The following EFCAB3 variants were observed in gnomAD, a reference collection of about 807,000 sequenced individuals.
EFCAB3 encodes the protein EF-hand calcium binding domain 3.
A neutral mutation model predicts 42.2 loss-of-function variants in EFCAB3; 36 were observed. That is an observed-to-expected ratio of 0.85 (90% CI 0.65 to 1.13). The LOEUF (loss-of-function observed/expected upper bound fraction) is 1.13. EFCAB3 is among the 50% of genes most tolerant of loss of function. The probability of loss-of-function intolerance (pLI) is 0.00; values close to 1 mark genes in which losing one functional copy is unlikely to be tolerated. For missense variants in EFCAB3, 418 were observed against 505.1 expected (o/e 0.83, Z 1.65); for synonymous variants, 170 against 172.8 (o/e 0.98, Z 0.13).
chr17:62,379,473 T>C (rs191874746), upstream of EFCAB3, among the ~76,000 whole-genome samples: 11 of 151,984 alleles, frequency 7.2e-5, no homozygotes, highest in East Asian at 1.9e-3. Flanking sequence ...AGGCTCTTAG[T>C]AAATAATTGT....
chr17:62,402,641 C>G (rs2070413879), intron 6 of EFCAB3, among the ~76,000 whole-genome samples: 1 of 152,036 alleles, frequency 6.6e-6, no homozygotes, highest in Non-Finnish European at 1.5e-5. Context: ...GGATGAAGCC[C>G]ACTTGATCAT....
intron 1 of EFCAB3, chr17:62,381,593 G>A: frequency 5.8e-6 from 1 of 172,208 alleles, no homozygotes; most frequent in Non-Finnish European, 1.2e-5. Context: ...AAGACCACCT[G>A]GGCTTTTCCT....
chr17:62,382,422 G>GTA (rs570566485), intron 1 of EFCAB3, among the ~76,000 whole-genome samples: 293 of 150,138 alleles, frequency 2.0e-3, no homozygotes, highest in African/African-American at 6.5e-3. Flanking sequence ...GTTACTATTT[G>GTA]TGTGTGTGTG....
At chr17:62,388,143 G>A (rs900225836) in intron 3 of EFCAB3, among the ~76,000 whole-genome samples, 9 of 152,198 alleles carry the variant, frequency 5.9e-5, no homozygotes, top group Admixed American at 3.9e-4. Context: ...CCCAGGAAGC[G>A]GAGGTTGCAG....
chr17:62,385,269 T>A (rs935605014), intron 2 of EFCAB3, among the ~76,000 whole-genome samples: 1 of 151,930 alleles, frequency 6.6e-6, no homozygotes, highest in South Asian at 2.1e-4. Flanking sequence ...CATAAGGAGA[T>A]CTTGTCTCTA....
chr17:62,380,704 G>T lies in EFCAB3; in HGVS notation c.-18+91G>T, dbSNP rs552357320. The T allele has an allele frequency of 2.5e-5, 17 of 684,092 alleles. No individual in the cohort carries two copies. The Admixed American group carries it at 4.4e-4, about 18-fold the overall frequency. 42.4% of individuals were successfully genotyped at this position (684,092 alleles called of 1,614,324 possible). A position where few individuals can be genotyped will look rare whatever the true frequency, so the allele number is the denominator to read the frequency against. Reference sequence around the variant, plus strand: ...ATTGAAGGTATTTTTTTAAAGAAATGATTATTTTGAGGTATGGGGATGATT... The same window carrying T: ...ATTGAAGGTATTTTTTTAAAGAAATTATTATTTTGAGGTATGGGGATGATT... On this transcript the variant is annotated intron_variant, in intron 1 of 9. Coordinates refer to ENST00000305286, the MANE Select transcript of EFCAB3 (RefSeq NM_173503.4).
At chr17:62,397,651 C>T (rs2070361958) in intron 6 of EFCAB3, 3 of 597,910 alleles carry the variant, frequency 5.0e-6, no homozygotes, top group South Asian at 2.9e-5. Flanking sequence ...GCAAGAAAAT[C>T]ACAGCCTTTG....
At chr17:62,395,235 T>C (rs1296962219) in intron 6 of EFCAB3, 47 bp downstream of exon 6, 2 of 1,603,080 alleles carry the variant, frequency 1.2e-6, no homozygotes, top group Non-Finnish European at 1.7e-6. Context: ...AGAAGCATTA[T>C]GAAGATATTA....
intron 6 of EFCAB3, among the ~76,000 whole-genome samples, chr17:62,404,255 G>A (rs914333020): frequency 6.6e-6 from 1 of 152,158 alleles, no homozygotes; most frequent in Non-Finnish European, 1.5e-5. Flanking sequence ...TAATCCCAAA[G>A]CTTTGGGAGC....
intron 8 of EFCAB3, among the ~76,000 whole-genome samples, chr17:62,410,423 C>T (rs2070484916): frequency 6.6e-6 from 1 of 152,008 alleles, no homozygotes; most frequent in African/African-American, 2.4e-5. Context: ...ATGAACACTA[C>T]TTGACCCCAC....
intron 1 of EFCAB3, among the ~76,000 whole-genome samples, chr17:62,381,113 A>ACATCAGG (rs533626140): frequency 4.4e-4 from 66 of 151,520 alleles, no homozygotes; most frequent in African/African-American, 1.4e-3. Flanking sequence ...TCGTCATTTA[A>ACATCAGG]CATCAGGTAT....
Position 62,416,219 on chromosome 17 carries a change from A to G in EFCAB3, c.1207A>G (p.Arg403Gly), listed in dbSNP as rs1446581676. 6.2e-7 allele frequency: 1 copy of G among 1,613,814 alleles called. No homozygotes were observed. The highest frequency in any genetic ancestry group is 8.5e-7 in the Non-Finnish European group (1 of 1,179,798). The change falls in exon 10 of 10, where the codon AGA becomes GGA. Residue 403 changes from arginine (R) to glycine (G), a missense_variant. Arg to Gly is a moderately radical substitution (Grantham distance 125). Transcript: ENST00000305286. ...DLRLYDAYVN[R>G]NSSHNSRSSS... The stretch of plus-strand genomic sequence containing the variant: ...AAGGTTATATGATGCCTATGTGAAT[A>G]GAAATTCCTCCCATAACTCCAGATC...
At chr17:62,401,962 C>T (rs57968807) in intron 6 of EFCAB3, among the ~76,000 whole-genome samples, 3,749 of 152,152 alleles carry the variant, frequency 0.025, 141 homozygotes, top group African/African-American at 0.086. Flanking sequence ...TCTTTTATTT[C>T]GTTGAGCAGT....
chr17:62,391,753 C>T, intron 3 of EFCAB3, 69 bp from the exon 4 acceptor site: 1 of 1,527,354 alleles, frequency 6.5e-7, no homozygotes. Flanking sequence ...TATTGTCTGT[C>T]CTAGTCCTAT....
chr17:62,378,698 C>G (rs2070169534), upstream of EFCAB3, among the ~76,000 whole-genome samples: 1 of 138,172 alleles, frequency 7.2e-6, no homozygotes, highest in African/African-American at 2.7e-5. Flanking sequence ...AAGAACTTGT[C>G]TCTTTTTTAA....
chr17:62,378,519 G>A (rs1479986708), upstream of EFCAB3, among the ~76,000 whole-genome samples: 1 of 151,982 alleles, frequency 6.6e-6, no homozygotes, highest in African/African-American at 2.4e-5. Flanking sequence ...GAAATTCAGC[G>A]AGGCCCCCTC....
intron 6 of EFCAB3, among the ~76,000 whole-genome samples, chr17:62,395,394 G>A (rs1164597662): frequency 6.6e-6 from 1 of 152,098 alleles, no homozygotes; most frequent in African/African-American, 2.4e-5. Context: ...AAAACTGCAA[G>A]GCTGACCTCA....
chr17:62,387,190 G>A, intron 2 of EFCAB3, 150 bp from the exon 3 acceptor site: 3 of 469,414 alleles, frequency 6.4e-6, no homozygotes, highest in South Asian at 2.6e-5. Flanking sequence ...TGTAGCTATG[G>A]GCTATCCTAA....
chr17:62,385,236 G>T (rs2070238650), intron 2 of EFCAB3, among the ~76,000 whole-genome samples: 1 of 152,152 alleles, frequency 6.6e-6, no homozygotes, highest in Non-Finnish European at 1.5e-5. Flanking sequence ...TTGAGCCCAG[G>T]TGTTCAAGAC....
Sources: allele counts gnomAD v4.1 joint callset (sites outside exome capture counted in the v4.1 genomes callset), GRCh38; gene constraint gnomAD v4.1.1; transcripts MANE v1.5; gene names NCBI Gene and HGNC (gene_info 2026-07-23, HGNC 2026-07-21).